Variants in ZRANB3 observed in about 807,000 individuals in gnomAD.
The protein encoded by ZRANB3 is DNA annealing helicase and endonuclease ZRANB3.
ZRANB3 carries 125 observed loss-of-function variants against 133.8 expected under a neutral mutation model. That is an observed-to-expected ratio of 0.93 (90% CI 0.81 to 1.08). The LOEUF (loss-of-function observed/expected upper bound fraction) is 1.08. Among genes scored for constraint, ZRANB3 ranks in the 50% least tolerant of loss-of-function variants. The pLI, the probability that ZRANB3 is intolerant of heterozygous loss-of-function variation, is 0.00. For synonymous variants in ZRANB3, 387 were observed against 432.7 expected, an observed-to-expected ratio of 0.89 and a Z score of 1.31; for missense variants, 1,229 against 1,275.5, an observed-to-expected ratio of 0.96 and a Z score of 0.56.
chr2:135,382,429 A>G (rs577143784), intron 3 of ZRANB3, among the ~76,000 whole-genome samples: 1 of 152,334 alleles, frequency 6.6e-6, no homozygotes, highest in East Asian at 1.9e-4. Flanking sequence ...GCAGGATATT[A>G]TCCAGGAGAA....
chr2:135,384,294 G>A lies in ZRANB3; in HGVS notation c.180+6508C>T, dbSNP rs953721796. Among the ~76,000 whole-genome samples the A allele has an allele frequency of 1.0e-3, 154 of 152,232 alleles. 1 individual carries two copies. The highest frequency in any genetic ancestry group is 3.5e-3 in the African/African-American group (146 of 41,558). ...ATACACTCTCCCAAGACTAAACCAG[G>A]AAGAAGTTGAATCTCTGAATAGACC... On this transcript the variant is annotated intron_variant, in intron 3 of 20. Coordinates refer to ENST00000264159, the MANE Select transcript of ZRANB3 (RefSeq NM_032143.4).
chr2:135,373,488 G>C (rs957562683), intron 3 of ZRANB3, among the ~76,000 whole-genome samples: 4 of 152,052 alleles, frequency 2.6e-5, no homozygotes, highest in African/African-American at 9.7e-5. Context: ...AAATAGTAAA[G>C]CATAAAAAGT....
chr2:135,464,133 T>C (rs1690882008), intron 2 of ZRANB3, among the ~76,000 whole-genome samples: 1 of 152,178 alleles, frequency 6.6e-6, no homozygotes, highest in South Asian at 2.1e-4. Flanking sequence ...TAAAACAAAA[T>C]TGAGTTATCA....
chr2:135,478,087 G>A (rs939971284), intron 2 of ZRANB3, among the ~76,000 whole-genome samples: 11 of 152,048 alleles, frequency 7.2e-5, no homozygotes, highest in African/African-American at 2.7e-4. Flanking sequence ...ATTTTTTATT[G>A]CTTATTAGAA....
chr2:135,241,340 T>C (rs1378098979), intron 12 of ZRANB3, among the ~76,000 whole-genome samples: 3 of 151,504 alleles, frequency 2.0e-5, no homozygotes, highest in Admixed American at 2.0e-4. Context: ...TTTTAACATC[T>C]AAAAGTTCCT....
intron 8 of ZRANB3, among the ~76,000 whole-genome samples, chr2:135,283,495 A>C (rs1033835434): frequency 6.6e-6 from 1 of 151,746 alleles, no homozygotes; most frequent in African/African-American, 2.4e-5. Flanking sequence ...CTGTAGTCCC[A>C]GCTAGTTGGG....
chr2:135,231,053 G>C (rs1694990949), intron 12 of ZRANB3, 126 bp from the exon 13 acceptor site: 2 of 739,148 alleles, frequency 2.7e-6, no homozygotes, highest in Non-Finnish European at 4.0e-6. Context: ...TTTTGGAAAT[G>C]AATTCATTAT....
intron 2 of ZRANB3, among the ~76,000 whole-genome samples, chr2:135,469,002 A>G (rs559152667): frequency 5.4e-4 from 83 of 152,314 alleles, no homozygotes; most frequent in Admixed American, 3.7e-3. Context: ...TAAATTATAA[A>G]AAATAAAGAT....
At chr2:135,415,476 AC>A (rs1574069376) in intron 2 of ZRANB3, among the ~76,000 whole-genome samples, 2 of 152,160 alleles carry the variant, frequency 1.3e-5, no homozygotes, top group East Asian at 3.9e-4. Flanking sequence ...TAGCTTACCA[AC>A]CAAAAAGAGT....
At chr2:135,350,257 T>C in intron 4 of ZRANB3, 42 bp from the exon 5 acceptor site, 1 of 1,429,730 alleles carries the variant, frequency 7.0e-7, no homozygotes, top group Non-Finnish European at 9.6e-7. Context: ...ATCTCAGTAA[T>C]GACGTTATCA....
At chr2:135,263,050 G>T (rs1408110431) in intron 12 of ZRANB3, among the ~76,000 whole-genome samples, 3 of 151,904 alleles carry the variant, frequency 2.0e-5, no homozygotes, top group Admixed American at 6.6e-5. Context: ...TAAAATAAAA[G>T]AAATAAAAAC....
chr2:135,506,045 C>T (rs1407383002), intron 1 of ZRANB3, among the ~76,000 whole-genome samples: 3 of 152,056 alleles, frequency 2.0e-5, no homozygotes, highest in Non-Finnish European at 4.4e-5. Flanking sequence ...AAGAGCATCA[C>T]TGCAAAGGAC....
intron 6 of ZRANB3, among the ~76,000 whole-genome samples, chr2:135,324,439 C>A (rs1683699822): frequency 6.6e-6 from 1 of 152,144 alleles, no homozygotes; most frequent in South Asian, 2.1e-4. Flanking sequence ...GCACAGTATT[C>A]CATGGTGTAC....
intron 2 of ZRANB3, among the ~76,000 whole-genome samples, chr2:135,391,869 G>A (rs751738380): frequency 1.4e-4 from 21 of 152,254 alleles, no homozygotes; most frequent in Non-Finnish European, 2.1e-4. Context: ...GTGAGCCACC[G>A]CGCCTGGCCG....
At chr2:135,524,881 T>G (rs1328498795) in intron 1 of ZRANB3, among the ~76,000 whole-genome samples, 1 of 152,116 alleles carries the variant, frequency 6.6e-6, no homozygotes. Context: ...GATTAATCTT[T>G]ATTTTGTTCC....
chr2:135,494,586 C>T (rs1295414366), intron 2 of ZRANB3, among the ~76,000 whole-genome samples: 1 of 152,118 alleles, frequency 6.6e-6, no homozygotes, highest in Non-Finnish European at 1.5e-5. Context: ...TACTAAACAA[C>T]TGTGAGAAGC....
At chr2:135,405,546 C>A (rs1156771909) in intron 2 of ZRANB3, among the ~76,000 whole-genome samples, 3 of 152,158 alleles carry the variant, frequency 2.0e-5, no homozygotes, top group African/African-American at 7.2e-5. Flanking sequence ...CACACGTATT[C>A]CAAAATTGAC....
intron 2 of ZRANB3, among the ~76,000 whole-genome samples, chr2:135,396,986 G>A (rs1203817674): frequency 6.6e-6 from 1 of 151,998 alleles, no homozygotes; most frequent in Non-Finnish European, 1.5e-5. Context: ...ATATTAGCCA[G>A]GTGTGTTATC....
chr2:135,425,657 T>C (rs890804402), intron 2 of ZRANB3, among the ~76,000 whole-genome samples: 6 of 152,026 alleles, frequency 3.9e-5, no homozygotes, highest in Non-Finnish European at 7.4e-5. Context: ...AGAACAAAGA[T>C]ACAACATACC....
Sources: gnomAD v4.1 joint callset for allele counts (sites outside exome capture counted in the v4.1 genomes callset) on GRCh38, gnomAD v4.1.1 for gene constraint, MANE v1.5 for transcripts, NCBI Gene and HGNC (gene_info 2026-07-23, HGNC 2026-07-21) for gene names.